LRRC9: variants seen among roughly 807,000 people sequenced by gnomAD.
LRRC9 encodes the protein leucine-rich repeat-containing protein 9.
Under a neutral mutation model 63.2 loss-of-function variants are expected in LRRC9, and 122 were observed. The ratio of observed to expected loss-of-function variants is 1.93; its 90% CI spans 1.67 to 2.24. LRRC9 has a LOEUF of 2.24. LRRC9 is among the 30% of genes most tolerant of loss of function. The pLI is 0.00. For missense variants in LRRC9, 1,071 were observed against 627.7 expected, an observed-to-expected ratio of 1.71 and a Z score of -7.55; for synonymous variants, 366 against 213.1, an observed-to-expected ratio of 1.72 and a Z score of -6.25.
Position 59,932,174 on chromosome 14 carries a change from A to T in LRRC9, c.543+135A>T. ...TGGGCTGATGCTCCAGGAAATTTGA[A>T]AGTCATCTGACTACATTGGCCTTAA... On this transcript the variant is annotated intron_variant, in intron 6 of 31. Transcript: ENST00000445360. This position sits in a 1 kb window ranked among gnomAD's most constrained non-coding sequence, Gnocchi z 4.7. 1 of 569,718 alleles carries T rather than the reference A, an allele frequency of 1.8e-6. No homozygotes were observed. The highest frequency in any genetic ancestry group is 3.0e-5 in the East Asian group (1 of 33,568). The allele number at this position is 569,718 out of a possible 1,614,324, so 35.3% of individuals were successfully genotyped here.
At chr14:60,025,738 C>T (rs930707711) in intron 27 of LRRC9, among the ~76,000 whole-genome samples, 2 of 151,352 alleles carry the variant, frequency 1.3e-5, no homozygotes, top group African/African-American at 4.9e-5. Context: ...CAAGTTTGCA[C>T]CAGTGTGTGT....
At chr14:59,993,834 A>G (rs1026140074) in intron 17 of LRRC9, among the ~76,000 whole-genome samples, 5 of 152,220 alleles carry the variant, frequency 3.3e-5, no homozygotes, top group Admixed American at 3.3e-4. Context: ...TGACCTACAA[A>G]GAGACTTAGA....
intron 16 of LRRC9, 62 bp downstream of exon 16, chr14:59,982,122 CAT>C: frequency 3.1e-6 from 2 of 651,864 alleles, no homozygotes; most frequent in African/African-American, 3.6e-5. Context: ...CAGAATCTAG[CAT>C]ATGAAGTCAA....
chr14:60,003,746 TA>T lies in LRRC9; in HGVS notation c.2791del (p.Ile931LeufsTer8), dbSNP rs767918221. On this transcript the variant is annotated frameshift_variant, in exon 21 of 32. Transcript: ENST00000445360. LOFTEE classifies it high-confidence loss of function. The surrounding 1 kb of genome is among the most constrained non-coding windows in gnomAD (Gnocchi z 4.2). ...CTAAAATGGAGGGTCTGGAATCCTGTATTAACTTGGAAGAGCTCACATTAGA... is the reference window on the plus strand; with the variant it reads ...CTAAAATGGAGGGTCTGGAATCCTGTTTAACTTGGAAGAGCTCACATTAGA... 1.5e-6 allele frequency: 1 copy of T among 686,564 alleles called. No individual in the cohort carries two copies. The highest frequency in any genetic ancestry group is 1.6e-5 in the South Asian group (1 of 63,046). The allele number at this position is 686,564 out of a possible 1,614,324, so 42.5% of individuals were successfully genotyped here.
At chr14:60,065,467 G>T (rs989063437), downstream of LRRC9, among the ~76,000 whole-genome samples, 5 of 150,940 alleles carry the variant, frequency 3.3e-5, no homozygotes, top group African/African-American at 1.2e-4. Context: ...GGCCAACAAG[G>T]CAAAGCCCCA....
intron 28 of LRRC9, among the ~76,000 whole-genome samples, chr14:60,030,114 C>A (rs1891875188): frequency 6.6e-6 from 1 of 152,046 alleles, no homozygotes; most frequent in Admixed American, 6.6e-5. Flanking sequence ...CTGATACCAG[C>A]ATTAATTTCA....
chr14:60,026,179 A>G (rs1304031878), intron 27 of LRRC9, among the ~76,000 whole-genome samples: 1 of 152,114 alleles, frequency 6.6e-6, no homozygotes, highest in African/African-American at 2.4e-5. Context: ...TCAAAAATGT[A>G]TGTGCTTACT....
At chr14:59,944,305 A>G (rs1349171297) in intron 7 of LRRC9, among the ~76,000 whole-genome samples, 1 of 151,886 alleles carries the variant, frequency 6.6e-6, no homozygotes, top group African/African-American at 2.4e-5. Flanking sequence ...TTATACATTA[A>G]ATTTTATCTG....
At chr14:59,977,947 G>C in intron 14 of LRRC9, 70 bp from the exon 15 acceptor site, 1 of 651,444 alleles carries the variant, frequency 1.5e-6, no homozygotes. Flanking sequence ...ATTAAACTAT[G>C]TAAGAATGAA....
At chr14:59,960,280 T>C (rs1017366943) in intron 9 of LRRC9, among the ~76,000 whole-genome samples, 3 of 152,228 alleles carry the variant, frequency 2.0e-5, no homozygotes, top group African/African-American at 7.2e-5. Context: ...ACTGCTCTAG[T>C]GTCTGCAAAC....
intron 29 of LRRC9, among the ~76,000 whole-genome samples, chr14:60,035,168 T>A (rs1320633840): frequency 6.6e-6 from 1 of 152,164 alleles, no homozygotes; most frequent in South Asian, 2.1e-4. Flanking sequence ...TCTTTTCAGA[T>A]CTTTTAACAG....
chr14:60,020,786 G>T (rs1307189028), intron 26 of LRRC9, among the ~76,000 whole-genome samples: 1 of 151,782 alleles, frequency 6.6e-6, no homozygotes, highest in Non-Finnish European at 1.5e-5. Context: ...TTCACATTAT[G>T]GCATGTGTTA....
intron 12 of LRRC9, chr14:59,973,447 A>G (rs1310304891): frequency 1.3e-5 from 2 of 152,054 alleles, no homozygotes; most frequent in South Asian, 2.1e-4. Context: ...GATAAGCCCT[A>G]TTAGAGTATA....
intron 29 of LRRC9, among the ~76,000 whole-genome samples, chr14:60,035,786 C>G (rs545054134): frequency 3.3e-5 from 5 of 152,138 alleles, no homozygotes; most frequent in Non-Finnish European, 7.4e-5. Context: ...ATGTCTCCAG[C>G]TTTGTTCTTT....
Position 59,966,712 on chromosome 14 carries a change from A to G in LRRC9, c.1335A>G (p.Lys445=), listed in dbSNP as rs540796366. 1 of 688,310 alleles carries G rather than the reference A, an allele frequency of 1.5e-6. No homozygotes were observed. Among genetic ancestry groups the G allele is most frequent in the South Asian group, 1.5e-5 (1 of 65,392 alleles). 42.6% of individuals were successfully genotyped at this position (688,310 alleles called of 1,614,324 possible). ...TTAACAACCGTATTCTGAGACTAAA[A>G]TTCGAAGAGAAATTTCAAAAGTTTT... Residue 445 remains lysine, a synonymous_variant, in exon 11 of 32, where the codon AAA becomes AAG. Coordinates refer to ENST00000445360, the Ensembl canonical transcript of LRRC9. This position sits in a 1 kb window ranked among gnomAD's most constrained non-coding sequence, Gnocchi z 4.0.
chr14:60,011,709 T>C (rs1226318159), intron 23 of LRRC9, among the ~76,000 whole-genome samples: 1 of 152,120 alleles, frequency 6.6e-6, no homozygotes, highest in Admixed American at 6.6e-5. Context: ...AAATGCAAGG[T>C]AATGGGAATG....
Position 59,942,048 on chromosome 14 carries a change from G to A in LRRC9, c.727-2541G>A, listed in dbSNP as rs1403545178. ...AAATGTTTTTAGTTCTCATACGTGA[G>A]TGATAACATGCAGTCTTTATTTTTC... On this transcript the variant is annotated intron_variant, in intron 7 of 31. Transcript: ENST00000445360. The surrounding 1 kb of genome is among the most constrained non-coding windows in gnomAD (Gnocchi z 5.3). 1.3e-5 allele frequency among the ~76,000 whole-genome samples: 2 copies of A among 152,112 alleles called. No individual in the cohort carries two copies. Among genetic ancestry groups the A allele is most frequent in the African/African-American group, 4.8e-5 (2 of 41,418 alleles).
rs994033999 is a variant in LRRC9, at chr14:60,003,995, T to C, written c.2842+197T>C. 6.6e-6 allele frequency among the ~76,000 whole-genome samples: 1 copy of C among 152,160 alleles called. No individual in the cohort carries two copies. Among genetic ancestry groups the C allele is most frequent in the Non-Finnish European group, 1.5e-5 (1 of 68,008 alleles). On this transcript the variant is annotated intron_variant, in intron 21 of 31. Coordinates refer to ENST00000445360, the Ensembl canonical transcript of LRRC9. The surrounding 1 kb of genome is among the most constrained non-coding windows in gnomAD (Gnocchi z 4.2). Reference sequence around the variant, plus strand: ...AGATTGGACCATTCTACAATGTATATATATACTTCAAAACATCATGTTGTA... The same window carrying C: ...AGATTGGACCATTCTACAATGTATACATATACTTCAAAACATCATGTTGTA...
chr14:60,001,072 T>C (rs1328658756), intron 19 of LRRC9, among the ~76,000 whole-genome samples: 1 of 152,112 alleles, frequency 6.6e-6, no homozygotes, highest in African/African-American at 2.4e-5. Context: ...GCAAAAACTT[T>C]AAAGTCTGAC....
Sources: allele counts gnomAD v4.1 joint callset (sites outside exome capture counted in the v4.1 genomes callset), GRCh38; gene constraint gnomAD v4.1.1; non-coding constraint Gnocchi (gnomAD v3.1); transcripts MANE v1.5; gene names NCBI Gene and HGNC (gene_info 2026-07-23, HGNC 2026-07-21).